PPARGC1A: variants seen among roughly 807,000 people sequenced by gnomAD.
The protein encoded by PPARGC1A is PPARG coactivator 1 alpha.
PPARGC1A carries 25 observed loss-of-function variants against 88.7 expected under a neutral mutation model. That is an observed-to-expected ratio of 0.28 (90% CI 0.21 to 0.39). PPARGC1A has a LOEUF of 0.39. Among genes scored for constraint, PPARGC1A ranks in the 10% least tolerant of loss-of-function variants. The pLI, the probability that PPARGC1A is intolerant of heterozygous loss-of-function variation, is 1.00. For synonymous variants in PPARGC1A, 363 were observed against 355.6 expected (o/e 1.02, Z -0.24); for missense variants, 880 against 968.7 (o/e 0.91, Z 1.22).
chr4:24,446,912 T>C, the PPARGC1A span, among the ~76,000 whole-genome samples: 1 of 152,216 alleles, frequency 6.6e-6, no homozygotes, highest in Non-Finnish European at 1.5e-5. Flanking sequence ...AATTTATTAA[T>C]GCTAGAGAAC....
the PPARGC1A span, among the ~76,000 whole-genome samples, chr4:24,079,058 TGAATCAAAA>T: frequency 6.6e-6 from 1 of 152,102 alleles, no homozygotes; most frequent in African/African-American, 2.4e-5. Flanking sequence ...AAATTTAGAA[TGAATCAAAA>T]TTTCATTATT....
the PPARGC1A span, among the ~76,000 whole-genome samples, chr4:24,168,934 G>A: frequency 3.9e-5 from 6 of 152,176 alleles, no homozygotes; most frequent in South Asian, 6.2e-4. Context: ...GTTTTTACAT[G>A]AGACCTGTGC....
chr4:23,824,563 T>G (rs1577404894), intron 5 of PPARGC1A, 55 bp from the exon 6 acceptor site: 2 of 1,433,896 alleles, frequency 1.4e-6, no homozygotes, highest in East Asian at 4.5e-5. Context: ...TTTAGATTTC[T>G]TTTCTCTCCA....
At chr4:24,335,597 G>A in the PPARGC1A span, among the ~76,000 whole-genome samples, 2 of 152,132 alleles carry the variant, frequency 1.3e-5, no homozygotes, top group Admixed American at 6.5e-5. Flanking sequence ...CCCCCGAAAA[G>A]TTTCAGTATA....
the PPARGC1A span, among the ~76,000 whole-genome samples, chr4:23,934,311 C>T: frequency 6.6e-6 from 1 of 152,126 alleles, no homozygotes; most frequent in African/African-American, 2.4e-5. Flanking sequence ...TAACAACAGC[C>T]CCTACAGAGC....
At chr4:24,263,976 C>T in the PPARGC1A span, among the ~76,000 whole-genome samples, 1 of 152,072 alleles carries the variant, frequency 6.6e-6, no homozygotes, top group South Asian at 2.1e-4. Context: ...TCTTGTACCC[C>T]CCGGGCTCAA....
chr4:23,841,446 G>A (rs139639789), intron 2 of PPARGC1A, among the ~76,000 whole-genome samples: 5 of 151,856 alleles, frequency 3.3e-5, no homozygotes, highest in African/African-American at 1.2e-4. Context: ...TATATTTTAT[G>A]TATTTATATA....
the PPARGC1A span, among the ~76,000 whole-genome samples, chr4:24,266,349 A>G: frequency 1.3e-5 from 2 of 152,038 alleles, no homozygotes; most frequent in South Asian, 4.1e-4. Context: ...GCTCTGTTAG[A>G]TTGCTTAGTG....
the PPARGC1A span, among the ~76,000 whole-genome samples, chr4:24,068,738 A>G: frequency 2.3e-4 from 35 of 152,204 alleles, no homozygotes; most frequent in African/African-American, 8.2e-4. Flanking sequence ...GACTGATGAA[A>G]TAAGTCTTGA....
At chr4:23,917,527 G>A in the PPARGC1A span, among the ~76,000 whole-genome samples, 2 of 151,734 alleles carry the variant, frequency 1.3e-5, no homozygotes, top group Non-Finnish European at 2.9e-5. Flanking sequence ...GTTTCACCGT[G>A]TTAGCCAGGA....
chr4:24,108,567 T>C, the PPARGC1A span, among the ~76,000 whole-genome samples: 2 of 152,150 alleles, frequency 1.3e-5, no homozygotes, highest in East Asian at 3.9e-4. Context: ...ATCCTGTCCA[T>C]CCATGGACCA....
the PPARGC1A span, among the ~76,000 whole-genome samples, chr4:24,344,594 ATTGT>A: frequency 0.018 from 2,562 of 142,870 alleles, 64 homozygotes; most frequent in East Asian, 0.12. Flanking sequence ...TTTTGATGGG[ATTGT>A]TTGTTTTTTT....
the PPARGC1A span, among the ~76,000 whole-genome samples, chr4:24,040,410 A>G: frequency 6.6e-6 from 1 of 152,256 alleles, no homozygotes; most frequent in Admixed American, 6.5e-5. Context: ...ATGCTAATTT[A>G]GCAATAAACA....
intron 10 of PPARGC1A, among the ~76,000 whole-genome samples, chr4:23,811,134 G>A (rs4697045): frequency 0.54 from 82,692 of 151,952 alleles, 22,935 homozygotes; most frequent in East Asian, 0.69. Flanking sequence ...TAAGTGTTCA[G>A]TTACTTCTCA....
the PPARGC1A span, among the ~76,000 whole-genome samples, chr4:24,142,752 A>G: frequency 6.6e-6 from 1 of 152,124 alleles, no homozygotes; most frequent in African/African-American, 2.4e-5. Flanking sequence ...ACAAGACCTC[A>G]AGGAGATTAG....
At chr4:24,385,759 C>G in the PPARGC1A span, among the ~76,000 whole-genome samples, 35 of 152,132 alleles carry the variant, frequency 2.3e-4, no homozygotes, top group African/African-American at 8.4e-4. Context: ...GATAGCCTAC[C>G]AACCAAAAAA....
the PPARGC1A span, among the ~76,000 whole-genome samples, chr4:24,195,147 G>C: frequency 6.6e-6 from 1 of 152,170 alleles, no homozygotes; most frequent in Admixed American, 6.5e-5. Context: ...ACAGTGGAGA[G>C]TACAGACTCT....
the PPARGC1A span, among the ~76,000 whole-genome samples, chr4:24,181,978 G>C: frequency 6.6e-6 from 1 of 151,766 alleles, no homozygotes; most frequent in Non-Finnish European, 1.5e-5. Context: ...TCAGTTCTTG[G>C]CACCTCACTT....
chr4:24,256,255 A>G, the PPARGC1A span, among the ~76,000 whole-genome samples: 1 of 152,136 alleles, frequency 6.6e-6, no homozygotes, highest in Non-Finnish European at 1.5e-5. Flanking sequence ...TTCAAAGGAG[A>G]CATGGAAAGC....
Sources: gnomAD v4.1 joint callset for allele counts (sites outside exome capture counted in the v4.1 genomes callset) on GRCh38, gnomAD v4.1.1 for gene constraint, MANE v1.5 for transcripts, NCBI Gene and HGNC (gene_info 2026-07-23, HGNC 2026-07-21) for gene names.